Variants in PIK3CA observed in about 807,000 individuals in gnomAD.
The protein encoded by PIK3CA is phosphatidylinositol-4,5-bisphosphate 3-kinase catalytic subunit alpha.
Under a neutral mutation model 138.2 loss-of-function variants are expected in PIK3CA, and 27 were observed. The ratio of observed to expected loss-of-function variants is 0.20; its 90% CI spans 0.14 to 0.27. The LOEUF is 0.27. PIK3CA is among the 10% of genes least tolerant of loss of function. The pLI, the probability that PIK3CA is intolerant of heterozygous loss-of-function variation, is 1.00. For missense variants in PIK3CA, 544 were observed against 1,277.4 expected, an observed-to-expected ratio of 0.43 and a Z score of 8.75; for synonymous variants, 358 against 413.2, an observed-to-expected ratio of 0.87 and a Z score of 1.62.
At chr3:179,169,509 A>G (rs1723497684) in intron 1 of PIK3CA, among the ~76,000 whole-genome samples, 1 of 152,186 alleles carries the variant, frequency 6.6e-6, no homozygotes, top group Non-Finnish European at 1.5e-5. Flanking sequence ...TAAAGCAGTT[A>G]AAATTCATTT....
At chr3:179,194,784 T>C (rs1724223017) in intron 1 of PIK3CA, among the ~76,000 whole-genome samples, 1 of 152,104 alleles carries the variant, frequency 6.6e-6, no homozygotes, top group Non-Finnish European at 1.5e-5. Flanking sequence ...ACCCTTTCTG[T>C]GAAATTTTTA....
Position 179,204,513 on chromosome 3 carries a change from G to A in PIK3CA, c.1070G>A (p.Arg357Gln), listed in dbSNP as rs1724505784. 1 of 1,557,842 alleles carries A rather than the reference G, an allele frequency of 6.4e-7. No homozygotes were observed. Among genetic ancestry groups the A allele is most frequent in the Non-Finnish European group, 8.9e-7 (1 of 1,129,728 alleles). ...NIRDIDKIYV[R>Q]TGIYHGGEPL... The stretch of plus-strand genomic sequence containing the variant: ...ACTTTTTTCTTTTAGATCTATGTTC[G>A]AACAGGTATCTACCATGGAGGAGAA... The change falls in exon 6 of 21, where the codon CGA becomes CAA. Residue 357 changes from arginine (R) to glutamine (Q), a missense_variant. Physicochemically the swap from Arg to Gln is conservative, Grantham distance 43 (BLOSUM62 1). Transcript: ENST00000263967.
intron 1 of PIK3CA, among the ~76,000 whole-genome samples, chr3:179,195,071 C>T (rs1463461183): frequency 1.3e-5 from 2 of 150,312 alleles, no homozygotes; most frequent in Admixed American, 6.6e-5. Context: ...CTGACACCTA[C>T]GCTGTAGATA....
intron 1 of PIK3CA, among the ~76,000 whole-genome samples, chr3:179,184,418 A>G (rs1239320554): frequency 1.3e-5 from 2 of 152,202 alleles, no homozygotes. Context: ...ACTTGGTCTC[A>G]GGAAATAGAG....
chr3:179,148,771 C>T (rs540317705), intron 1 of PIK3CA, among the ~76,000 whole-genome samples, 168 bp downstream of exon 1: 1 of 152,268 alleles, frequency 6.6e-6, no homozygotes, highest in East Asian at 1.9e-4. Flanking sequence ...CCCTCTCCCT[C>T]GCCTGCCTCT....
At chr3:179,164,800 C>T (rs1257520100) in intron 1 of PIK3CA, among the ~76,000 whole-genome samples, 4 of 151,686 alleles carry the variant, frequency 2.6e-5, no homozygotes, top group Admixed American at 1.3e-4. Flanking sequence ...ACCCAGGAGG[C>T]GGAGGTAGCA....
At chr3:179,159,573 G>A (rs1723224927) in intron 1 of PIK3CA, among the ~76,000 whole-genome samples, 1 of 152,048 alleles carries the variant, frequency 6.6e-6, no homozygotes, top group South Asian at 2.1e-4. Flanking sequence ...TCCATGATTA[G>A]GAAAATGAAG....
At chr3:179,227,008 A>C (rs1456798795) in intron 17 of PIK3CA, among the ~76,000 whole-genome samples, 1 of 152,084 alleles carries the variant, frequency 6.6e-6, no homozygotes, top group Non-Finnish European at 1.5e-5. Flanking sequence ...ATAGACTGTA[A>C]AAAAGATTAT....
chr3:179,234,221 A>G lies in PIK3CA; in HGVS notation c.3064A>G (p.Ile1022Val). The G allele has an allele frequency of 6.2e-7, 1 of 1,613,800 alleles. No individual in the cohort carries two copies. The highest frequency in any genetic ancestry group is 8.5e-7 in the Non-Finnish European group (1 of 1,179,792). ...ELQSFDDIAY[I>V]RKTLALDKTE... is the part of the protein sequence containing the mutation. ...ACAATCTTTTGATGACATTGCATAC[A>G]TTCGAAAGACCCTAGCCTTAGATAA... is the stretch of plus-strand genomic sequence containing the variant. Residue 1022 changes from isoleucine (I) to valine (V), a missense_variant, in exon 21 of 21, where the codon ATT becomes GTT. Physicochemically the swap from Ile to Val is conservative, Grantham distance 29. This residue lies in a region of PIK3CA where 12 missense variants were observed against 75.3 expected (regional missense o/e 0.16). Coordinates refer to ENST00000263967, the MANE Select transcript of PIK3CA (RefSeq NM_006218.4). The surrounding 1 kb of genome is among the most constrained non-coding windows in gnomAD (Gnocchi z 5.1).
At chr3:179,229,931 C>G (rs900968022) in intron 18 of PIK3CA, 73 bp from the exon 19 acceptor site, 63 of 872,592 alleles carry the variant, frequency 7.2e-5, no homozygotes, top group Non-Finnish European at 1.0e-4. Flanking sequence ...AAACTTGCAC[C>G]CTGTTTTCTT....
intron 1 of PIK3CA, among the ~76,000 whole-genome samples, chr3:179,191,255 T>C (rs1169631140): frequency 6.6e-6 from 1 of 152,226 alleles, no homozygotes; most frequent in East Asian, 1.9e-4. Flanking sequence ...TGGGGTATAG[T>C]TTCCTGACCC....
intron 1 of PIK3CA, among the ~76,000 whole-genome samples, chr3:179,189,859 T>C (rs1724083352): frequency 6.6e-6 from 1 of 152,180 alleles, no homozygotes; most frequent in Non-Finnish European, 1.5e-5. Flanking sequence ...GTTAAATCTG[T>C]TTTCTCACGG....
chr3:179,201,386 T>C lies in PIK3CA; in HGVS notation c.659T>C (p.Val220Ala). The C allele has an allele frequency of 6.2e-7, 1 of 1,613,768 alleles. No homozygotes were observed. Among genetic ancestry groups the C allele is most frequent in the Non-Finnish European group, 8.5e-7 (1 of 1,179,842 alleles). ...AACCATGACTGTGTACCAGAACAAG[T>C]AATTGCTGAAGCAATCAGGAAAAAA... ...KINHDCVPEQ[V>A]IAEAIRKKTR... is the part of the protein sequence containing the mutation. Residue 220 changes from valine (V) to alanine (A), a missense_variant, in exon 4 of 21, where the codon GTA becomes GCA. By Grantham distance (64) the Val-to-Ala change is moderately conservative. Around this residue, in one of 14 missense-constraint regions of PIK3CA, gnomAD observed 234 missense variants for 401.3 expected, o/e 0.58. Coordinates refer to ENST00000263967, the MANE Select transcript of PIK3CA (RefSeq NM_006218.4).
At chr3:179,159,193 G>A (rs1723214690) in intron 1 of PIK3CA, among the ~76,000 whole-genome samples, 1 of 151,996 alleles carries the variant, frequency 6.6e-6, no homozygotes, top group African/African-American at 2.4e-5. Context: ...AAGCTTTTTT[G>A]TACATGAAAA....
chr3:179,224,331 G>A (rs974576854), intron 15 of PIK3CA, 144 bp downstream of exon 15: 1 of 540,252 alleles, frequency 1.9e-6, no homozygotes, highest in Non-Finnish European at 3.3e-6. Flanking sequence ...CAAAATAAGA[G>A]TAGTATATCT....
At chr3:179,210,741 T>G (rs946833053) in intron 9 of PIK3CA, among the ~76,000 whole-genome samples, 176 bp downstream of exon 9, 1 of 152,248 alleles carries the variant, frequency 6.6e-6, no homozygotes, top group Non-Finnish European at 1.5e-5. Context: ...GCACCTCTGC[T>G]TTTTTAAAGC....
chr3:179,191,148 A>C (rs1049910653), intron 1 of PIK3CA, among the ~76,000 whole-genome samples: 2 of 152,168 alleles, frequency 1.3e-5, no homozygotes, highest in East Asian at 3.9e-4. Flanking sequence ...ACTTGAGGAG[A>C]GAAGATGAAG....
At chr3:179,226,115 T>C (rs1725075534) in intron 17 of PIK3CA, 75 bp downstream of exon 17, 6 of 759,854 alleles carry the variant, frequency 7.9e-6, no homozygotes, top group Non-Finnish European at 9.3e-6. Flanking sequence ...TATAGAAGCA[T>C]ATAGAGGCAT....
At chr3:179,176,495 T>C (rs1057022960) in intron 1 of PIK3CA, among the ~76,000 whole-genome samples, 3 of 152,220 alleles carry the variant, frequency 2.0e-5, no homozygotes, top group African/African-American at 7.2e-5. Context: ...CTCATTCTCC[T>C]TGTTTAGAAA....
Sources: allele counts gnomAD v4.1 joint callset (sites outside exome capture counted in the v4.1 genomes callset), GRCh38; gene constraint gnomAD v4.1.1; regional missense constraint gnomAD v4.1.1; non-coding constraint Gnocchi (gnomAD v3.1); transcripts MANE v1.5; gene names NCBI Gene and HGNC (gene_info 2026-07-23, HGNC 2026-07-21).